The following P4HA2 variants were observed in gnomAD, a reference collection of about 807,000 sequenced individuals.
P4HA2 encodes prolyl 4-hydroxylase subunit alpha-2.
In P4HA2, 46 loss-of-function variants were observed where a neutral mutation model predicts 76.9. That is an observed-to-expected ratio of 0.60 (90% CI 0.47 to 0.76). The LOEUF (loss-of-function observed/expected upper bound fraction) is 0.76, where lower values mean the gene tolerates loss of function less well. Ranked by LOEUF, P4HA2 falls within the 30% of genes least tolerant of loss-of-function variation. The pLI, the probability that P4HA2 is intolerant of heterozygous loss-of-function variation, is 0.00. For synonymous variants in P4HA2, 243 were observed against 254.0 expected (o/e 0.96, Z 0.41); for missense variants, 583 against 669.4 (o/e 0.87, Z 1.42).
intron 4 of P4HA2, among the ~76,000 whole-genome samples, chr5:132,216,606 G>T (rs1753931981): frequency 6.6e-6 from 1 of 152,158 alleles, no homozygotes; most frequent in South Asian, 2.1e-4. Context: ...TTTTTCTTCT[G>T]TCACAAATCT....
At chr5:132,194,106 A>G (rs1182400485) in intron 14 of P4HA2, among the ~76,000 whole-genome samples, 1 of 152,086 alleles carries the variant, frequency 6.6e-6, no homozygotes, top group African/African-American at 2.4e-5. Context: ...CCTAAAACAC[A>G]AACTCATCCC....
intron 1 of P4HA2, among the ~76,000 whole-genome samples, chr5:132,221,800 G>A (rs1406353835): frequency 1.3e-5 from 2 of 152,050 alleles, no homozygotes; most frequent in Non-Finnish European, 1.5e-5. Flanking sequence ...ACTCCAAACG[G>A]GCCCTGCCAG....
At chr5:132,223,095 G>T (rs1411561116) in intron 1 of P4HA2, among the ~76,000 whole-genome samples, 2 of 152,208 alleles carry the variant, frequency 1.3e-5, no homozygotes, top group African/African-American at 4.8e-5. Flanking sequence ...AGACTATCCA[G>T]GCCCACGCCA....
intron 1 of P4HA2, among the ~76,000 whole-genome samples, chr5:132,222,372 G>C (rs772006958): frequency 2.0e-5 from 3 of 152,122 alleles, no homozygotes; most frequent in Non-Finnish European, 4.4e-5. Context: ...CGGCACCCTA[G>C]GCAAGTATGG....
chr5:132,225,554 CT>C (rs778363057), intron 1 of P4HA2, among the ~76,000 whole-genome samples: 1 of 152,238 alleles, frequency 6.6e-6, no homozygotes, highest in Non-Finnish European at 1.5e-5. Flanking sequence ...GGCTCCTCCC[CT>C]GGCACATGGC....
intron 5 of P4HA2, among the ~76,000 whole-genome samples, chr5:132,211,346 T>C (rs1753059728): frequency 6.6e-6 from 1 of 152,052 alleles, no homozygotes; most frequent in African/African-American, 2.4e-5. Flanking sequence ...CAGAGAATAA[T>C]GAGAAAGCAG....
intron 4 of P4HA2, among the ~76,000 whole-genome samples, chr5:132,215,987 C>G (rs2126613014): frequency 6.6e-6 from 1 of 150,884 alleles, no homozygotes; most frequent in East Asian, 1.9e-4. Flanking sequence ...TGGTGAAACC[C>G]TGTCTCTACT....
intron 12 of P4HA2, 43 bp downstream of exon 12, chr5:132,198,278 A>C: frequency 6.2e-7 from 1 of 1,614,196 alleles, no homozygotes; most frequent in African/African-American, 1.3e-5. Context: ...CATTCTACAA[A>C]ATTAAGTGAG....
rs1240906199 is a variant in P4HA2, at chr5:132,213,997, T to C, written c.388A>G (p.Ile130Val). 2 of 1,613,988 alleles carry C rather than the reference T, an allele frequency of 1.2e-6. No homozygotes were observed. The highest frequency in any genetic ancestry group is 1.7e-6 in the Non-Finnish European group (2 of 1,179,950). Residue 130 changes from isoleucine (I) to valine (V), a missense_variant, in exon 5 of 15, where the codon ATA becomes GTA. Physicochemically the swap from Ile to Val is conservative, Grantham distance 29 (BLOSUM62 3). Transcript: ENST00000360568. ...RQFFPTDEDE[I>V]GAAKALMRLQ... ...CTCATCAGGGCTTTGGCAGCTCCTA[T>C]CTCGTCCTCATCAGTGGGGAAGAAC... is the stretch of plus-strand genomic sequence containing the variant.
chr5:132,222,339 T>C (rs1754761164), intron 1 of P4HA2, among the ~76,000 whole-genome samples: 1 of 152,146 alleles, frequency 6.6e-6, no homozygotes, highest in Non-Finnish European at 1.5e-5. Context: ...TGGATGTCCA[T>C]TCAGGCCTAT....
At chr5:132,213,836 A>G (rs1753453522) in intron 5 of P4HA2, 80 bp downstream of exon 5, 3 of 1,417,654 alleles carry the variant, frequency 2.1e-6, no homozygotes, top group South Asian at 2.5e-5. Flanking sequence ...GTTAAAGGCC[A>G]CAAGTTGGTG....
At chr5:132,201,570 C>T (rs568461475) in intron 10 of P4HA2, 1 of 152,170 alleles carries the variant, frequency 6.6e-6, no homozygotes, top group Non-Finnish European at 1.5e-5. Context: ...CACTGACTGG[C>T]AAAGGAAATG....
At chr5:132,205,099 T>C (rs1166405086) in intron 8 of P4HA2, among the ~76,000 whole-genome samples, 1 of 152,266 alleles carries the variant, frequency 6.6e-6, no homozygotes, top group Non-Finnish European at 1.5e-5. Context: ...ACATGGCCCC[T>C]GCACTCTTAC....
chr5:132,206,399 C>G (rs1752222143), intron 8 of P4HA2, among the ~76,000 whole-genome samples: 1 of 152,134 alleles, frequency 6.6e-6, no homozygotes, highest in Non-Finnish European at 1.5e-5. Context: ...GTCCTAGTAC[C>G]TCAAGCCAAA....
Position 132,195,152 on chromosome 5 carries a change from T to C in P4HA2, c.1435-130A>G, listed in dbSNP as rs572021514. 241 of 682,712 alleles carry C rather than the reference T, an allele frequency of 3.5e-4. 2 individuals carry two copies. Among genetic ancestry groups the C allele is most frequent in the Middle Eastern group, 3.1e-3 (12 of 3,852 alleles). 42.3% of individuals were successfully genotyped at this position (682,712 alleles called of 1,614,324 possible). A position where few individuals can be genotyped will look rare whatever the true frequency, so the allele number is the denominator to read the frequency against. On this transcript the variant is annotated intron_variant, in intron 13 of 14. Transcript: ENST00000360568. ...TTCCCATGGACAGGGGATAGGGCTCTGGGACTCCAGCAACAGAGACATTTC... is the reference window on the plus strand; with the variant it reads ...TTCCCATGGACAGGGGATAGGGCTCCGGGACTCCAGCAACAGAGACATTTC...
At chr5:132,209,770 CAAAA>C (rs10656798) in intron 6 of P4HA2, among the ~76,000 whole-genome samples, 5 of 95,098 alleles carry the variant, frequency 5.3e-5, no homozygotes, top group African/African-American at 1.7e-4. Flanking sequence ...GACTCTGTCT[CAAAA>C]AAAAAAAAAA....
At chr5:132,222,464 A>G (rs2126635582) in intron 1 of P4HA2, among the ~76,000 whole-genome samples, 1 of 152,144 alleles carries the variant, frequency 6.6e-6, no homozygotes, top group South Asian at 2.1e-4. Context: ...CCTGGCCCCC[A>G]CTACACTGGC....
At chr5:132,224,978 C>G (rs1333157097) in intron 1 of P4HA2, among the ~76,000 whole-genome samples, 1 of 150,788 alleles carries the variant, frequency 6.6e-6, no homozygotes, top group African/African-American at 2.4e-5. Context: ...TGCAATGACA[C>G]CAGCTGAACA....
intron 3 of P4HA2, 194 bp from the exon 4 acceptor site, chr5:132,217,542 T>G: frequency 1.6e-6 from 1 of 640,570 alleles, no homozygotes; most frequent in Non-Finnish European, 2.8e-6. Context: ...GGACCCCCAA[T>G]GTAAGGGAAA....
Sources: gnomAD v4.1 joint callset for allele counts (sites outside exome capture counted in the v4.1 genomes callset) on GRCh38, gnomAD v4.1.1 for gene constraint, MANE v1.5 for transcripts, NCBI Gene and HGNC (gene_info 2026-07-23, HGNC 2026-07-21) for gene names.